The following CAPN14 variants were observed in gnomAD, a reference collection of about 807,000 sequenced individuals.
CAPN14 encodes the protein calpain 14, also known as calpain-14.
In CAPN14, 94 loss-of-function variants were observed where a neutral mutation model predicts 101.3. The observed-to-expected ratio is 0.93, with a 90% CI of 0.79 to 1.10. The LOEUF (loss-of-function observed/expected upper bound fraction) is 1.10, where lower values mean the gene tolerates loss of function less well. CAPN14 is among the 50% of genes least tolerant of loss of function. CAPN14 has a pLI of 0.00. For missense variants in CAPN14, 837 were observed against 828.4 expected (o/e 1.01, Z -0.13); for synonymous variants, 338 against 317.9 (o/e 1.06, Z -0.67).
chr2:31,195,258 C>G (rs1364388284), intron 8 of CAPN14, among the ~76,000 whole-genome samples: 1 of 152,200 alleles, frequency 6.6e-6, no homozygotes, highest in Non-Finnish European at 1.5e-5. Flanking sequence ...AGCGAAACTC[C>G]CTAAGACTGG....
intron 2 of CAPN14, among the ~76,000 whole-genome samples, chr2:31,225,609 T>G (rs6753831): frequency 0.41 from 61,627 of 151,944 alleles, 14,276 homozygotes; most frequent in African/African-American, 0.63. Flanking sequence ...CTTTTATTAT[T>G]GTTGACAATA....
chr2:31,187,678 C>A lies in CAPN14; in HGVS notation c.1587+80G>T, dbSNP rs577265849. 2.2e-5 allele frequency: 28 copies of A among 1,286,424 alleles called. No homozygotes were observed. The African/African-American group carries it at 3.5e-4, about 16-fold the overall frequency. The allele number at this position is 1,286,424 out of a possible 1,614,324, so 79.7% of individuals were successfully genotyped here. A position where few individuals can be genotyped will look rare whatever the true frequency, so the allele number is the denominator to read the frequency against. On this transcript the variant is annotated intron_variant, in intron 15 of 21. Coordinates refer to ENST00000403897, the MANE Select transcript of CAPN14 (RefSeq NM_001145122.2). ...GTTTCTAAGCAGCCTCAAGCAGGTG[C>A]AAACCTATACTTTATAAAATGAGAA...
In CAPN14 at chr2:31,178,557, C is replaced by T. The variant is rs1390331346; in HGVS notation, c.1733G>A (p.Ser578Asn). 3 of 1,547,082 alleles carry T rather than the reference C, an allele frequency of 1.9e-6. No homozygotes were observed. Among genetic ancestry groups the T allele is most frequent in the East Asian group, 4.9e-5 (2 of 40,838 alleles). ...CCACAGGTCCCTGAATTCCTGGATG[C>T]TCATAGTACCTGATGCATTAAGCTG... Reference protein sequence around the residue: ...LLDLNASGTMSIQEFRDLWKQ... With the variant: ...LLDLNASGTMNIQEFRDLWKQ... The change falls in exon 18 of 22, where the codon AGC becomes AAC. Residue 578 changes from serine to asparagine, a missense_variant. By Grantham distance (46) the Ser-to-Asn change is conservative. Coordinates refer to ENST00000403897, the MANE Select transcript of CAPN14 (RefSeq NM_001145122.2).
At chr2:31,197,377 A>G (rs573076939) in intron 7 of CAPN14, 43 bp from the exon 8 acceptor site, 2 of 1,358,102 alleles carry the variant, frequency 1.5e-6, no homozygotes, top group Non-Finnish European at 2.1e-6. Flanking sequence ...GGCTGAGTGC[A>G]AACATTCCAG....
At chr2:31,192,467 C>T (rs1349654385) in intron 10 of CAPN14, among the ~76,000 whole-genome samples, 1 of 152,186 alleles carries the variant, frequency 6.6e-6, no homozygotes, top group African/African-American at 2.4e-5. Context: ...CAAAACCTTA[C>T]CTTAAGGTCA....
At chr2:31,232,872 C>A (rs1183188858) in intron 1 of CAPN14, among the ~76,000 whole-genome samples, 1 of 152,194 alleles carries the variant, frequency 6.6e-6, no homozygotes, top group African/African-American at 2.4e-5. Flanking sequence ...TGGTCCATAG[C>A]CTACTCCTTC....
chr2:31,178,554 A>G lies in CAPN14; in HGVS notation c.1736T>C (p.Ile579Thr). 2 of 1,549,046 alleles carry G rather than the reference A, an allele frequency of 1.3e-6. No homozygotes were observed. The highest frequency in any genetic ancestry group is 1.7e-6 in the Non-Finnish European group (2 of 1,145,960). ...CTTCCACAGGTCCCTGAATTCCTGG[A>G]TGCTCATAGTACCTGATGCATTAAG... Reference protein sequence around the residue: ...LDLNASGTMSIQEFRDLWKQL... With the variant: ...LDLNASGTMSTQEFRDLWKQL... Residue 579 changes from isoleucine to threonine, a missense_variant, in exon 18 of 22, where the codon ATC becomes ACC. Coordinates refer to ENST00000403897, the MANE Select transcript of CAPN14 (RefSeq NM_001145122.2).
rs759822858 is a variant in CAPN14 at position 31,194,414 on chromosome 2, T to A, written c.945A>T (p.Glu315Asp). Reference protein sequence around the residue: ...ILLLRKDNDGEFWMTLQDFKT... With the variant: ...ILLLRKDNDGDFWMTLQDFKT... ...CAAGTCCCTAAGTCCAATACCAGAA[T>A]TCTCCGTCATTGTCTTTCCTCAGAA... Residue 315 changes from glutamate (E) to aspartate (D), a missense_variant, in exon 9 of 22, where the codon GAA (glutamate) becomes GAT (aspartate). Physicochemically the swap from Glu to Asp is conservative, Grantham distance 45. Transcript: ENST00000403897. The A allele has an allele frequency of 1.7e-5, 26 of 1,550,830 alleles. No individual in the cohort carries two copies. The highest frequency in any genetic ancestry group is 2.7e-5 in the African/African-American group (2 of 73,024).
At chr2:31,192,949 G>T (rs1298326230) in intron 10 of CAPN14, among the ~76,000 whole-genome samples, 182 bp downstream of exon 10, 1 of 152,052 alleles carries the variant, frequency 6.6e-6, no homozygotes, top group African/African-American at 2.4e-5. Flanking sequence ...GTGCACATTG[G>T]GTCCAAAGGT....
intron 18 of CAPN14, 119 bp from the exon 19 acceptor site, chr2:31,177,940 T>G (rs904645953): frequency 3.6e-5 from 26 of 714,080 alleles, no homozygotes; most frequent in Non-Finnish European, 6.6e-5. Flanking sequence ...AGGCTCCACA[T>G]GCAGGGCCTG....
intron 1 of CAPN14, among the ~76,000 whole-genome samples, chr2:31,216,847 G>A (rs750062954): frequency 2.6e-5 from 4 of 152,134 alleles, no homozygotes; most frequent in Non-Finnish European, 4.4e-5. Context: ...GGCAAGGGCC[G>A]TGCCAAGCAC....
chr2:31,230,160 CT>C lies in CAPN14; in HGVS notation c.-176-3510del, dbSNP rs1276961921. 2.6e-5 allele frequency among the ~76,000 whole-genome samples: 4 copies of C among 152,158 alleles called. No individual in the cohort carries two copies. The highest frequency in any genetic ancestry group is 5.9e-5 in the Non-Finnish European group (4 of 68,024). ...TAAGTCTAGTAACCAATAGTTCTTGCTTTTTGTTCCTCTCCTTCCTCCCACC... is the reference window on the plus strand; with the variant it reads ...TAAGTCTAGTAACCAATAGTTCTTGCTTTTGTTCCTCTCCTTCCTCCCACC... On this transcript the variant is annotated intron_variant and NMD_transcript_variant, in intron 1 of 21. Transcript: ENST00000398824. The surrounding 1 kb of genome is among the most constrained non-coding windows in gnomAD (Gnocchi z 4.3).
chr2:31,187,412 G>A (rs1330868439), intron 15 of CAPN14, among the ~76,000 whole-genome samples: 3 of 113,414 alleles, frequency 2.6e-5, no homozygotes, highest in Middle Eastern at 3.6e-3. Context: ...GCTTGTCATT[G>A]TCATGCTCTG....
intron 1 of CAPN14, among the ~76,000 whole-genome samples, chr2:31,228,099 A>G (rs983978693): frequency 2.6e-5 from 4 of 152,262 alleles, no homozygotes; most frequent in African/African-American, 7.2e-5. Context: ...GCATGCGTGC[A>G]TGGTTGTAGG....
At chr2:31,188,502 T>A in intron 13 of CAPN14, 148 bp from the exon 14 acceptor site, 1 of 699,056 alleles carries the variant, frequency 1.4e-6, no homozygotes. Flanking sequence ...ACCTCCTGCT[T>A]CCCCTTGAAC....
chr2:31,222,568 T>C (rs1682892486), intron 2 of CAPN14, among the ~76,000 whole-genome samples: 1 of 152,228 alleles, frequency 6.6e-6, no homozygotes, highest in Non-Finnish European at 1.5e-5. Context: ...CAATTGTTTG[T>C]TTTGTAATGA....
At chr2:31,176,283 C>T (rs1372222364) in intron 21 of CAPN14, among the ~76,000 whole-genome samples, 2 of 152,204 alleles carry the variant, frequency 1.3e-5, no homozygotes, top group African/African-American at 2.4e-5. Flanking sequence ...CCATGTGACT[C>T]GGAAGCTAAA....
chr2:31,209,501 C>A (rs13403357), intron 1 of CAPN14, among the ~76,000 whole-genome samples: 12,889 of 152,184 alleles, frequency 0.085, 776 homozygotes, highest in Non-Finnish European at 0.13. Flanking sequence ...CATCACCAGA[C>A]AAGACACCTG....
intron 21 of CAPN14, among the ~76,000 whole-genome samples, chr2:31,175,419 C>A (rs1180198411): frequency 6.6e-6 from 1 of 152,230 alleles, no homozygotes; most frequent in Non-Finnish European, 1.5e-5. Flanking sequence ...TGGCTTCAAC[C>A]CAGTTCTCAG....
Sources: gnomAD v4.1 joint callset for allele counts (sites outside exome capture counted in the v4.1 genomes callset) on GRCh38, gnomAD v4.1.1 for gene constraint, Gnocchi (gnomAD v3.1) non-coding constraint, MANE v1.5 for transcripts, NCBI Gene and HGNC (gene_info 2026-07-23, HGNC 2026-07-21) for gene names.